Variants in BCR observed in about 807,000 individuals in gnomAD.
The protein encoded by BCR is breakpoint cluster region protein.
In BCR, 58 loss-of-function variants were observed where a neutral mutation model predicts 138.6. The ratio of observed to expected loss-of-function variants is 0.42; its 90% CI spans 0.34 to 0.52. The LOEUF is 0.52. Ranked by LOEUF, BCR falls within the 20% of genes least tolerant of loss-of-function variation. BCR has a pLI of 0.06. For synonymous variants in BCR, 786 were observed against 730.1 expected, an observed-to-expected ratio of 1.08 and a Z score of -1.23; for missense variants, 1,599 against 1,727.2, an observed-to-expected ratio of 0.93 and a Z score of 1.32.
chr22:23,207,000 C>A (rs2072624519), intron 1 of BCR, among the ~76,000 whole-genome samples: 2 of 139,392 alleles, frequency 1.4e-5, no homozygotes, highest in African/African-American at 2.6e-5. Flanking sequence ...ATCTGTCTAA[C>A]ATCCAGCCAA....
intron 4 of BCR, among the ~76,000 whole-genome samples, chr22:23,267,982 G>A (rs1049998462): frequency 2.0e-5 from 3 of 152,030 alleles, no homozygotes; most frequent in African/African-American, 7.2e-5. Context: ...CTGGACATGC[G>A]TGGAACACCA....
intron 1 of BCR, among the ~76,000 whole-genome samples, chr22:23,247,999 C>T (rs2073174673): frequency 6.6e-6 from 1 of 152,164 alleles, no homozygotes; most frequent in Non-Finnish European, 1.5e-5. Flanking sequence ...TCTTCCTTCC[C>T]ATGTTGTGAT....
intron 19 of BCR, chr22:23,312,519 T>C (rs2146329991): frequency 4.8e-6 from 1 of 209,140 alleles, no homozygotes; most frequent in East Asian, 1.0e-4. Flanking sequence ...GTTCAAACAC[T>C]GAAACCAATC....
chr22:23,275,224 G>A (rs1246616731), intron 8 of BCR, among the ~76,000 whole-genome samples: 1 of 152,238 alleles, frequency 6.6e-6, no homozygotes, highest in East Asian at 1.9e-4. Flanking sequence ...GAGGAGGAGG[G>A]AGCTGTCCCT....
intron 1 of BCR, among the ~76,000 whole-genome samples, chr22:23,204,379 GATCC>G (rs2072588185): frequency 3.4e-5 from 5 of 145,586 alleles, no homozygotes; most frequent in Admixed American, 2.7e-4. Flanking sequence ...GCATTTTTAA[GATCC>G]GTTAGTTTTG....
intron 1 of BCR, among the ~76,000 whole-genome samples, chr22:23,246,527 G>A (rs186848900): frequency 1.3e-5 from 2 of 152,250 alleles, no homozygotes; most frequent in Admixed American, 1.3e-4. Context: ...TTGCTAAGTC[G>A]TAAGGTTATC....
At chr22:23,296,086 A>G (rs534722246) in intron 16 of BCR, among the ~76,000 whole-genome samples, 3 of 70,428 alleles carry the variant, frequency 4.3e-5, no homozygotes, top group Admixed American at 1.7e-4. Flanking sequence ...GTTAAATACC[A>G]AGTGCCAGGC....
chr22:23,270,034 C>T (rs1342160103), intron 5 of BCR, among the ~76,000 whole-genome samples: 2 of 152,094 alleles, frequency 1.3e-5, no homozygotes, highest in Non-Finnish European at 2.9e-5. Context: ...CCTGCACCAT[C>T]AGGGCGACAT....
At chr22:23,231,094 G>C (rs2146243448) in intron 1 of BCR, among the ~76,000 whole-genome samples, 1 of 152,298 alleles carries the variant, frequency 6.6e-6, no homozygotes, top group Middle Eastern at 3.4e-3. Flanking sequence ...GCAGTAAACA[G>C]TTTGGCATGT....
At chr22:23,204,230 T>G (rs2072586535) in intron 1 of BCR, among the ~76,000 whole-genome samples, 3 of 151,848 alleles carry the variant, frequency 2.0e-5, no homozygotes, top group Non-Finnish European at 4.4e-5. Context: ...ATTATGGAGC[T>G]GGGACCCACG....
intron 1 of BCR, among the ~76,000 whole-genome samples, chr22:23,226,131 A>AG (rs1269841724): frequency 6.6e-6 from 1 of 152,194 alleles, no homozygotes; most frequent in Admixed American, 6.5e-5. Flanking sequence ...TGCACTCCGT[A>AG]AATGATTCAT....
chr22:23,289,897 C>G (rs1290757824), intron 13 of BCR: 1 of 540,504 alleles, frequency 1.9e-6, no homozygotes, highest in African/African-American at 1.9e-5. Flanking sequence ...CTCAGATGCT[C>G]TGTGCCTTGG....
chr22:23,264,310 A>C, intron 4 of BCR: 2 of 976,418 alleles, frequency 2.0e-6, no homozygotes, highest in Non-Finnish European at 3.3e-6. Flanking sequence ...AAGCATCTCT[A>C]TGCTGCGCTG....
At chr22:23,222,104 A>AAAGAGAG (rs1555876401) in intron 1 of BCR, among the ~76,000 whole-genome samples, 1 of 151,700 alleles carries the variant, frequency 6.6e-6, no homozygotes, top group African/African-American at 2.4e-5. Context: ...AAACAAAAAA[A>AAAGAGAG]AGAGAGAGAA....
intron 16 of BCR, among the ~76,000 whole-genome samples, chr22:23,301,080 G>T (rs2073897332): frequency 6.6e-6 from 1 of 152,236 alleles, no homozygotes; most frequent in Admixed American, 6.5e-5. Flanking sequence ...GAGGAGGGCG[G>T]ATCATTTGAC....
chr22:23,186,856 C>T (rs1250247192), intron 1 of BCR, among the ~76,000 whole-genome samples: 2 of 152,194 alleles, frequency 1.3e-5, no homozygotes, highest in African/African-American at 4.8e-5. Context: ...CTGCTTCAGC[C>T]TCCCGAGTAG....
At chr22:23,237,020 G>A (rs1003492139) in intron 1 of BCR, among the ~76,000 whole-genome samples, 1 of 152,186 alleles carries the variant, frequency 6.6e-6, no homozygotes, top group Non-Finnish European at 1.5e-5. Context: ...GCTCAGAACC[G>A]GCGTCAGATA....
chr22:23,261,495 G>A lies in BCR; in HGVS notation c.1707G>A (p.Gln569=), dbSNP rs1196979065. 1.9e-6 allele frequency: 3 copies of A among 1,613,364 alleles called. No homozygotes were observed. The highest frequency in any genetic ancestry group is 2.5e-6 in the Non-Finnish European group (3 of 1,180,044). Residue 569 remains glutamine, a synonymous_variant, in exon 4 of 23, where the codon CAG becomes CAA. Coordinates refer to ENST00000305877, the MANE Select transcript of BCR (RefSeq NM_004327.4). The stretch of plus-strand genomic sequence containing the variant: ...ATGATGGGCTCTTCCCCCGCGTGCA[G>A]CAGTGGAGCCACCAGCAGCGGGTGG... ...EFYDGLFPRV[Q]QWSHQQRVGD... is the part of the protein sequence containing the mutation.
chr22:23,220,266 C>T (rs2072809114), intron 1 of BCR, among the ~76,000 whole-genome samples: 1 of 152,236 alleles, frequency 6.6e-6, no homozygotes, highest in South Asian at 2.1e-4. Flanking sequence ...GTTTCACCTA[C>T]CGTCCATGGG....
Sources: allele counts gnomAD v4.1 joint callset (sites outside exome capture counted in the v4.1 genomes callset), GRCh38; gene constraint gnomAD v4.1.1; transcripts MANE v1.5; gene names NCBI Gene and HGNC (gene_info 2026-07-23, HGNC 2026-07-21).